ZMYM4: variants seen among roughly 807,000 people sequenced by gnomAD.
ZMYM4 encodes zinc finger MYM-type containing 4.
A neutral mutation model predicts 183.2 loss-of-function variants in ZMYM4; 31 were observed. The observed-to-expected ratio is 0.17, with a 90% confidence interval of 0.13 to 0.23. The LOEUF (loss-of-function observed/expected upper bound fraction) is 0.23. Ranked by LOEUF, ZMYM4 falls within the 10% of genes least tolerant of loss-of-function variation. The probability of loss-of-function intolerance (pLI) is 1.00; values close to 1 mark genes in which losing one functional copy is unlikely to be tolerated. For synonymous variants in ZMYM4, 592 were observed against 631.2 expected, an observed-to-expected ratio of 0.94 and a Z score of 0.93; for missense variants, 1,273 against 1,840.3, an observed-to-expected ratio of 0.69 and a Z score of 5.64.
chr1:35,275,623 G>C (rs983708862), intron 1 of ZMYM4, among the ~76,000 whole-genome samples: 1 of 152,136 alleles, frequency 6.6e-6, no homozygotes, highest in East Asian at 1.9e-4. Flanking sequence ...TGTATTAGGA[G>C]AACAGCCACT....
intron 1 of ZMYM4, among the ~76,000 whole-genome samples, chr1:35,284,117 C>T (rs1370412072): frequency 1.3e-5 from 2 of 151,946 alleles, no homozygotes; most frequent in Non-Finnish European, 2.9e-5. Flanking sequence ...GCTGGGACTA[C>T]AGGTGCCCGC....
At chr1:35,382,242 G>GTA (rs1323337572) in intron 9 of ZMYM4, among the ~76,000 whole-genome samples, 3 of 147,818 alleles carry the variant, frequency 2.0e-5, no homozygotes, top group Non-Finnish European at 4.5e-5. Flanking sequence ...GTATGTATAT[G>GTA]TATATATATG....
At chr1:35,318,120 G>C (rs560838943) in intron 1 of ZMYM4, among the ~76,000 whole-genome samples, 9 of 142,042 alleles carry the variant, frequency 6.3e-5, no homozygotes, top group African/African-American at 2.4e-4. Context: ...GTACAGTTGC[G>C]CAACCTTGGC....
At chr1:35,368,821 G>T (rs994871732) in intron 5 of ZMYM4, among the ~76,000 whole-genome samples, 1 of 152,054 alleles carries the variant, frequency 6.6e-6, no homozygotes, top group African/African-American at 2.4e-5. Context: ...ATAAAATCTT[G>T]GTGCCATTGG....
chr1:35,271,368 A>AAC (rs975498650), intron 1 of ZMYM4, among the ~76,000 whole-genome samples: 7 of 152,174 alleles, frequency 4.6e-5, no homozygotes, highest in Admixed American at 4.6e-4. Context: ...TGGAAAAAAA[A>AAC]AAAAAGATAC....
chr1:35,383,148 G>C (rs1487554023), intron 9 of ZMYM4, among the ~76,000 whole-genome samples: 2 of 152,110 alleles, frequency 1.3e-5, no homozygotes, highest in Non-Finnish European at 2.9e-5. Flanking sequence ...GTAGTTTTGT[G>C]TGTATTAGAT....
At chr1:35,273,412 A>G (rs1159873555) in intron 1 of ZMYM4, among the ~76,000 whole-genome samples, 1 of 152,310 alleles carries the variant, frequency 6.6e-6, no homozygotes, top group African/African-American at 2.4e-5. Context: ...TTATTTATGC[A>G]TGGCTATTAT....
intron 7 of ZMYM4, among the ~76,000 whole-genome samples, chr1:35,371,202 G>A (rs1051120064): frequency 2.0e-5 from 3 of 149,896 alleles, no homozygotes; most frequent in Non-Finnish European, 4.5e-5. Context: ...TGCAAGCTCC[G>A]CCTCCCGGGT....
rs943855935 is a variant in ZMYM4 at position 35,402,549 on chromosome 1, G to T, written c.3529-2474G>T. On this transcript the variant is annotated intron_variant, in intron 23 of 29. Coordinates refer to ENST00000314607, the MANE Select transcript of ZMYM4 (RefSeq NM_005095.3). ...GGAGAATTGCTTGAGCCTAGGGGGG[G>T]TCGAGGCTGCAGTAAGCCCTGATCA... Among the ~76,000 whole-genome samples, 12 of 152,202 alleles carry T rather than the reference G, an allele frequency of 7.9e-5. No individual in the cohort carries two copies. In the East Asian group the frequency reaches 2.3e-3, roughly 29 times the overall value.
chr1:35,339,388 C>G (rs1643110578), intron 2 of ZMYM4, among the ~76,000 whole-genome samples: 1 of 152,148 alleles, frequency 6.6e-6, no homozygotes, highest in South Asian at 2.1e-4. Context: ...GCACCTGCCA[C>G]CACACCCAGT....
At chr1:35,326,077 A>G (rs1642491074) in intron 2 of ZMYM4, among the ~76,000 whole-genome samples, 1 of 152,188 alleles carries the variant, frequency 6.6e-6, no homozygotes, top group African/African-American at 2.4e-5. Flanking sequence ...GTATGGCTGT[A>G]TAATAAGTCC....
intron 7 of ZMYM4, among the ~76,000 whole-genome samples, chr1:35,375,315 G>A (rs1289332378): frequency 6.6e-6 from 1 of 151,894 alleles, no homozygotes; most frequent in Non-Finnish European, 1.5e-5. Flanking sequence ...TATTTACACG[G>A]TGATTACAAC....
At position 35,371,062 on chromosome 1, in the gene ZMYM4, AGTGT is replaced by A. The variant is rs67591506; in HGVS notation, c.1181+477_1181+480del. Among the ~76,000 whole-genome samples the A allele has an allele frequency of 9.6e-3, 1,217 of 126,158 alleles. 18 individuals are homozygous for A. The highest frequency in any genetic ancestry group is 0.066 in the East Asian group (302 of 4,580). 82.8% of individuals were successfully genotyped at this position (126,158 alleles called of 152,430 possible). The stretch of plus-strand genomic sequence containing the variant: ...TTCTTCTTAACCTTAAATGGCTTCC[AGTGT>A]GTGTGTGTGTGTGTGTGTGTGTGTG... On this transcript the variant is annotated intron_variant, in intron 7 of 29. Transcript: ENST00000314607.
intron 2 of ZMYM4, among the ~76,000 whole-genome samples, chr1:35,332,344 A>G (rs1642788248): frequency 6.6e-6 from 1 of 151,714 alleles, no homozygotes; most frequent in African/African-American, 2.4e-5. Context: ...GGTGTAAAAC[A>G]CTTTTATTAA....
intron 26 of ZMYM4, among the ~76,000 whole-genome samples, chr1:35,412,857 A>T (rs186297928): frequency 6.6e-6 from 1 of 152,276 alleles, no homozygotes; most frequent in East Asian, 1.9e-4. Flanking sequence ...ATAAATTTAA[A>T]TGGAAATAAT....
intron 2 of ZMYM4, among the ~76,000 whole-genome samples, chr1:35,328,249 G>T (rs1272080896): frequency 2.6e-5 from 4 of 151,874 alleles, no homozygotes; most frequent in Non-Finnish European, 5.9e-5. Context: ...AACATTATTA[G>T]GCTCTCGATT....
intron 1 of ZMYM4, among the ~76,000 whole-genome samples, chr1:35,289,467 A>G (rs1400932055): frequency 6.6e-6 from 1 of 152,136 alleles, no homozygotes; most frequent in African/African-American, 2.4e-5. Flanking sequence ...TGGCACCATT[A>G]ATTGAGATAG....
intron 4 of ZMYM4, 71 bp from the exon 5 acceptor site, chr1:35,361,548 T>C (rs1643936561): frequency 1.3e-6 from 2 of 1,507,976 alleles, no homozygotes; most frequent in South Asian, 2.5e-5. Context: ...GAGCTTTTCT[T>C]TGGGTGTTAA....
At chr1:35,371,036 TTTC>T (rs1377582828) in intron 7 of ZMYM4, among the ~76,000 whole-genome samples, 1 of 151,952 alleles carries the variant, frequency 6.6e-6, no homozygotes, top group Non-Finnish European at 1.5e-5. Flanking sequence ...CTTTAATACT[TTTC>T]TTCTTAACCT....
Sources: allele counts gnomAD v4.1 joint callset (sites outside exome capture counted in the v4.1 genomes callset), GRCh38; gene constraint gnomAD v4.1.1; transcripts MANE v1.5; gene names NCBI Gene and HGNC (gene_info 2026-07-23, HGNC 2026-07-21).